The following IFT46 variants were observed in gnomAD, a reference collection of about 807,000 sequenced individuals.
IFT46 encodes intraflagellar transport 46.
A neutral mutation model predicts 39.6 loss-of-function variants in IFT46; 19 were observed. That is an observed-to-expected ratio of 0.48 (90% CI 0.33 to 0.70). IFT46 has a LOEUF of 0.70. Among genes scored for constraint, IFT46 ranks in the 30% least tolerant of loss-of-function variants. The pLI is 0.01. For synonymous variants in IFT46, 117 were observed against 134.8 expected (o/e 0.87, Z 0.91); for missense variants, 334 against 364.8 (o/e 0.92, Z 0.69).
intron 10 of IFT46, 41 bp downstream of exon 10, chr11:118,545,752 C>G (rs1951666983): frequency 6.3e-7 from 1 of 1,591,906 alleles, no homozygotes; most frequent in African/African-American, 1.3e-5. Context: ...TAGAGTGTCT[C>G]TATCCAGAGA....
chr11:118,571,321 A>G (rs1555072335), intron 1 of IFT46, among the ~76,000 whole-genome samples: 1 of 152,222 alleles, frequency 6.6e-6, no homozygotes, highest in Non-Finnish European at 1.5e-5. Flanking sequence ...TATATATGCC[A>G]CATCTATTGA....
At chr11:118,559,347 G>A (rs113296549) in intron 3 of IFT46, among the ~76,000 whole-genome samples, 2,706 of 152,118 alleles carry the variant, frequency 0.018, 88 homozygotes, top group African/African-American at 0.061. Flanking sequence ...ACAAAATACT[G>A]GCAGTATCAC....
chr11:118,544,669 A>G lies in IFT46; in HGVS notation c.*247T>C, dbSNP rs1565341743. 2.3e-6 allele frequency: 1 copy of G among 430,962 alleles called. No homozygotes were observed. Among genetic ancestry groups the G allele is most frequent in the Non-Finnish European group, 4.1e-6 (1 of 241,414 alleles). 26.7% of individuals were successfully genotyped at this position (430,962 alleles called of 1,614,324 possible). ...CCTCCATGGGATCTCAGAAATTCCA[A>G]TTCTTATAACTCAAATCCCCACAGT... On this transcript the variant is annotated 3_prime_UTR_variant, in exon 12 of 12. Coordinates refer to ENST00000264021, the MANE Select transcript of IFT46 (RefSeq NM_001168618.2).
At chr11:118,571,478 T>G (rs1938334443) in intron 1 of IFT46, among the ~76,000 whole-genome samples, 1 of 152,314 alleles carries the variant, frequency 6.6e-6, no homozygotes, top group African/African-American at 2.4e-5. Context: ...ATGTGGTAAT[T>G]TTGTTTAACT....
rs907467898 is a variant in IFT46 at position 118,557,011 on chromosome 11, C to A, written c.80G>T (p.Arg27Leu). 1 of 1,611,680 alleles carries A rather than the reference C, an allele frequency of 6.2e-7. No individual in the cohort carries two copies. The highest frequency in any genetic ancestry group is 1.3e-5 in the African/African-American group (1 of 74,768). Residue 27 changes from arginine (R) to leucine (L), a missense_variant, in exon 4 of 12, where the codon CGG becomes CTG. Arg to Leu is a moderately radical substitution (Grantham distance 102, BLOSUM62 -2). Transcript: ENST00000264021. ...KKKTSQLTPQ[R>L]GFSENEDDDD... Reference sequence around the variant, plus strand: ...GTCATCCTCATTTTCACTAAAGCCCCGTTGAGGTGTCAACTGTGAGGTCTT... The same window carrying A: ...GTCATCCTCATTTTCACTAAAGCCCAGTTGAGGTGTCAACTGTGAGGTCTT...
chr11:118,565,547 C>G (rs887489557), intron 1 of IFT46: 2 of 151,628 alleles, frequency 1.3e-5, no homozygotes, highest in Non-Finnish European at 2.9e-5. Flanking sequence ...AGGGGAAACT[C>G]CAGTCTCTCA....
At chr11:118,551,574 TGAGGTGG>T (rs1448050281) in intron 9 of IFT46, among the ~76,000 whole-genome samples, 2 of 147,320 alleles carry the variant, frequency 1.4e-5, no homozygotes, top group Non-Finnish European at 3.0e-5. Context: ...CTGGTAAGGC[TGAGGTGG>T]GAGGGTCACT....
At chr11:118,567,592 C>A (rs1938256794), upstream of IFT46, among the ~76,000 whole-genome samples, 1 of 152,020 alleles carries the variant, frequency 6.6e-6, no homozygotes, top group African/African-American at 2.4e-5. Context: ...ATAATAATAG[C>A]AATACATTTT....
intron 4 of IFT46, 26 bp from the exon 5 acceptor site, chr11:118,555,348 G>C: frequency 6.3e-7 from 1 of 1,588,138 alleles, no homozygotes; most frequent in East Asian, 2.2e-5. Context: ...CAGTTTGTTC[G>C]AGGTGGCCAG....
chr11:118,568,843 A>G (rs996256112), upstream of IFT46, among the ~76,000 whole-genome samples: 1 of 151,504 alleles, frequency 6.6e-6, no homozygotes, highest in Non-Finnish European at 1.5e-5. Context: ...TTTAGTAGAG[A>G]TGGGGTTTCA....
At chr11:118,560,768 A>G (rs1218560372) in intron 2 of IFT46, 10 of 708,266 alleles carry the variant, frequency 1.4e-5, no homozygotes, top group Non-Finnish European at 2.6e-5. Context: ...ACGAGAGGGT[A>G]AAACTGGTTA....
At chr11:118,576,568 C>T (rs1310572803), upstream of IFT46, among the ~76,000 whole-genome samples, 2 of 151,346 alleles carry the variant, frequency 1.3e-5, no homozygotes, top group Admixed American at 6.6e-5. Flanking sequence ...ATTGTTAAAC[C>T]AGTAAACATT....
intron 9 of IFT46, among the ~76,000 whole-genome samples, chr11:118,548,307 A>G (rs1555067687): frequency 1.3e-5 from 2 of 149,766 alleles, no homozygotes; most frequent in East Asian, 2.0e-4. Flanking sequence ...TATGGTGTCT[A>G]TTGGTATGTA....
chr11:118,573,624 C>T, upstream of IFT46: 1 of 698,188 alleles, frequency 1.4e-6, no homozygotes, highest in Non-Finnish European at 2.6e-6. Flanking sequence ...CAATAGATAA[C>T]TTGATTTAAA....
intron 2 of IFT46, chr11:118,560,763 A>C: frequency 1.4e-6 from 1 of 698,628 alleles, no homozygotes; most frequent in Admixed American, 2.0e-5. Context: ...AGACGACGAG[A>C]GGGTAAAACT....
intron 3 of IFT46, 77 bp downstream of exon 3, chr11:118,559,708 C>CCAGTTA (rs1937967513): frequency 9.0e-7 from 1 of 1,107,566 alleles, no homozygotes; most frequent in Admixed American, 1.7e-5. Context: ...GAAATGTTTA[C>CCAGTTA]CGTTGAACTG....
At chr11:118,547,619 A>G (rs960112281) in intron 9 of IFT46, among the ~76,000 whole-genome samples, 44 of 151,690 alleles carry the variant, frequency 2.9e-4, no homozygotes, top group Middle Eastern at 3.4e-3. Context: ...CAGGGGTCTC[A>G]CCATGTTGGC....
At chr11:118,557,078 C>A in intron 3 of IFT46, 33 bp from the exon 4 acceptor site, 1 of 1,530,758 alleles carries the variant, frequency 6.5e-7, no homozygotes, top group Non-Finnish European at 8.8e-7. Context: ...TAGAAAGCTT[C>A]AAGTAAAAAA....
chr11:118,559,872 A>G lies in IFT46; in HGVS notation c.-35-8T>C, dbSNP rs1555070277. ...GGGCAGAACGAGGAAGTCCTTAGAA[A>G]AAAAGTTTTTCCTTTAGATTATTGT... On this transcript the variant is annotated splice_polypyrimidine_tract_variant and splice_region_variant and intron_variant, in intron 2 of 11. Transcript: ENST00000264021. The G allele has an allele frequency of 1.2e-5, 18 of 1,555,192 alleles. No homozygotes were observed. The highest frequency in any genetic ancestry group is 1.6e-5 in the Non-Finnish European group (18 of 1,132,446).
Sources: gnomAD v4.1 joint callset for allele counts (sites outside exome capture counted in the v4.1 genomes callset) on GRCh38, gnomAD v4.1.1 for gene constraint, MANE v1.5 for transcripts, NCBI Gene and HGNC (gene_info 2026-07-23, HGNC 2026-07-21) for gene names.